The following ADAM33 variants were observed in gnomAD, a reference collection of about 807,000 sequenced individuals.
The protein encoded by ADAM33 is disintegrin and metalloproteinase domain-containing protein 33.
ADAM33 carries 103 observed loss-of-function variants against 106.2 expected under a neutral mutation model. The observed-to-expected ratio is 0.97, with a 90% confidence interval of 0.83 to 1.14. The LOEUF (loss-of-function observed/expected upper bound fraction) is 1.14. Ranked by LOEUF, ADAM33 falls within the 50% of genes most tolerant of loss-of-function variation. The probability of loss-of-function intolerance (pLI) is 0.00; values close to 1 mark genes in which losing one functional copy is unlikely to be tolerated. For missense variants in ADAM33, 1,120 were observed against 1,096.6 expected (o/e 1.02, Z -0.30); for synonymous variants, 483 against 453.0 (o/e 1.07, Z -0.84).
Position 3,672,039 on chromosome 20 carries a change from G to A in ADAM33, c.1598-54C>T, listed in dbSNP as rs557051161. On this transcript the variant is annotated intron_variant, in intron 14 of 21. Transcript: ENST00000356518. ...AGCTCGGAGAGGGGCTGCGCTCAGC[G>A]GGCCTCAGTTTCCCCTGCCCATCTT... is the stretch of plus-strand genomic sequence containing the variant. 5.4e-5 allele frequency: 84 copies of A among 1,555,486 alleles called. No homozygotes were observed. In the South Asian group the frequency reaches 6.6e-4, roughly 12 times the overall value.
intron 21 of ADAM33, 78 bp from the exon 22 acceptor site, chr20:3,669,078 C>T: frequency 1.3e-6 from 2 of 1,500,596 alleles, no homozygotes; most frequent in South Asian, 2.3e-5. Context: ...AGCCCATCCT[C>T]ACTCAGTGAG....
At chr20:3,669,523 C>T (rs1355624972) in intron 20 of ADAM33, 23 bp downstream of exon 20, 1 of 1,560,986 alleles carries the variant, frequency 6.4e-7, no homozygotes, top group Admixed American at 1.9e-5. Context: ...TCCCTCTCCA[C>T]CTCCCCCTGG....
chr20:3,680,453 G>T (rs6052012), intron 1 of ADAM33, among the ~76,000 whole-genome samples: 1 of 152,192 alleles, frequency 6.6e-6, no homozygotes, highest in Non-Finnish European at 1.5e-5. Flanking sequence ...GCTCCTGCTA[G>T]GCCACCCCAA....
rs147487185 is a variant in ADAM33 at position 3,669,597 on chromosome 20, C to A, written c.2281G>T (p.Val761Phe). 6 of 1,603,710 alleles carry A rather than the reference C, an allele frequency of 3.7e-6. No homozygotes were observed. Among genetic ancestry groups the A allele is most frequent in the East Asian group, 2.2e-5 (1 of 44,564 alleles). Residue 761 changes from valine to phenylalanine, a missense_variant, in exon 20 of 22, where the codon GTT becomes TTT. By Grantham distance (50) the Val-to-Phe change is conservative (BLOSUM62 -1). Coordinates refer to ENST00000356518, the MANE Select transcript of ADAM33 (RefSeq NM_025220.5). ...GPHRDHPLGG[V>F]HPMELGPTAT... Reference sequence around the variant, plus strand: ...GTGGGGCCCAACTCCATGGGGTGAACGCCGCCCAGGGGGTGGTCCCTGTGT... The same window carrying A: ...GTGGGGCCCAACTCCATGGGGTGAAAGCCGCCCAGGGGGTGGTCCCTGTGT...
In ADAM33 at chr20:3,669,342, G is replaced by A; in HGVS notation, c.2361C>T (p.Ser787=). 6.2e-7 allele frequency: 1 copy of A among 1,602,186 alleles called. No individual in the cohort carries two copies. Among genetic ancestry groups the A allele is most frequent in the Non-Finnish European group, 8.5e-7 (1 of 1,177,100 alleles). ...CTGCTGGCAGAGGCTTCTCAGGGTG[G>A]CTGCTGGGCTCATGAGAGTTCTCAG... is the stretch of plus-strand genomic sequence containing the variant. ...LDPENSHEPS[S]HPEKPLPAVS... The change falls in exon 21 of 22, where the codon AGC becomes AGT. Residue 787 remains serine, a synonymous_variant. Transcript: ENST00000356518.
At chr20:3,679,383 C>T (rs2088266751) in intron 2 of ADAM33, 109 bp downstream of exon 2, 11 of 1,158,766 alleles carry the variant, frequency 9.5e-6, no homozygotes. Context: ...GGAGTAGTGA[C>T]TTGGTGGTTC....
At chr20:3,670,146 C>T (rs1017151750) in intron 19 of ADAM33, 1 of 205,118 alleles carries the variant, frequency 4.9e-6, no homozygotes, top group South Asian at 8.1e-5. Flanking sequence ...CCCTCTGCAG[C>T]GCCCCCTCCG....
intron 2 of ADAM33, among the ~76,000 whole-genome samples, chr20:3,679,267 A>C (rs1019691651): frequency 6.7e-6 from 1 of 148,632 alleles, no homozygotes; most frequent in African/African-American, 2.5e-5. Flanking sequence ...GGTGGGGTGG[A>C]GAAAGCTGAA....
rs1209542938 is a variant in ADAM33 at position 3,672,184 on chromosome 20, T to C, written c.1547A>G (p.Asp516Gly). The change falls in exon 14 of 22, where the codon GAT becomes GGT. Residue 516 changes from aspartate to glycine, a missense_variant. Physicochemically the swap from Asp to Gly is moderately conservative, Grantham distance 94. Transcript: ENST00000356518. ...CTGCTCCAGCGTGGGACATGCGCCA[T>C]CCCAGCAGTAGCCACTGCCCCTGGC... ...PCARGSGYCW[D>G]GACPTLEQQC... The C allele has an allele frequency of 6.2e-7, 1 of 1,613,110 alleles. No individual in the cohort carries two copies. Among genetic ancestry groups the C allele is most frequent in the Non-Finnish European group, 8.5e-7 (1 of 1,180,018 alleles).
chr20:3,671,239 T>A lies in ADAM33; in HGVS notation c.2090A>T (p.Glu697Val). 1 of 1,613,760 alleles carries A rather than the reference T, an allele frequency of 6.2e-7. No homozygotes were observed. The highest frequency in any genetic ancestry group is 1.3e-5 in the African/African-American group (1 of 75,062). Residue 697 changes from glutamate to valine, a missense_variant and splice_region_variant, in exon 18 of 22, where the codon GAA becomes GTA. By Grantham distance (121) the Glu-to-Val change is moderately radical. Transcript: ENST00000356518. ...GSMDSGPVQA[E>V]NHDTFLLAML... ...CCACATGCCCCCCACTGGCATACTT[T>A]CAGCCTGCACAGGGCCACTGTCCAT...
chr20:3,679,217 G>A (rs1163498729), intron 2 of ADAM33, among the ~76,000 whole-genome samples: 1 of 151,354 alleles, frequency 6.6e-6, no homozygotes, highest in Non-Finnish European at 1.5e-5. Context: ...GGTGGGGGTG[G>A]GGGTGGCCCA....
chr20:3,677,563 C>G (rs2088084374), intron 2 of ADAM33, among the ~76,000 whole-genome samples: 1 of 152,194 alleles, frequency 6.6e-6, no homozygotes, highest in Admixed American at 6.5e-5. Flanking sequence ...AGAGCCTCTG[C>G]TACCTGAGGC....
rs1043089263 is a variant in ADAM33, at chr20:3,669,954, C to T, written c.2241-317G>A. 10 of 511,108 alleles carry T rather than the reference C, an allele frequency of 2.0e-5. No homozygotes were observed. In the East Asian group the frequency reaches 2.1e-4, roughly 11 times the overall value. 31.7% of individuals were successfully genotyped at this position (511,108 alleles called of 1,614,324 possible). A position where few individuals can be genotyped will look rare whatever the true frequency, so the allele number is the denominator to read the frequency against. On this transcript the variant is annotated intron_variant, in intron 19 of 21. Coordinates refer to ENST00000356518, the MANE Select transcript of ADAM33 (RefSeq NM_025220.5). ...CAGCTTCCAAAGAACCTTGGATGTC[C>T]GCCCCTTCGGCAGCTATGTCTGCTC...
intron 2 of ADAM33, among the ~76,000 whole-genome samples, chr20:3,678,241 C>T (rs1212130794): frequency 6.6e-6 from 1 of 152,252 alleles, no homozygotes; most frequent in Non-Finnish European, 1.5e-5. Flanking sequence ...TGATATATAC[C>T]CCTCATCTTG....
rs2146409662 is a variant in ADAM33, at chr20:3,674,611, C to T, written c.493G>A (p.Glu165Lys). ...AGCAGCTGCTCCATCCGAAAGATCT[C>T]GTGGGTTGAGAAGTCCTTGGAGCCC... ...PRGSKDFSTH[E>K]IFRMEQLLTW... is the part of the protein sequence containing the mutation. Residue 165 changes from glutamate (E) to lysine (K), a missense_variant, in exon 6 of 22, where the codon GAG (glutamate) becomes AAG (lysine). By Grantham distance (56) the Glu-to-Lys change is moderately conservative. Transcript: ENST00000356518. 1.2e-6 allele frequency: 2 copies of T among 1,613,004 alleles called. No homozygotes were observed. The highest frequency in any genetic ancestry group is 1.3e-5 in the African/African-American group (1 of 74,972).
chr20:3,679,154 T>TTTTTTG (rs11473462), intron 2 of ADAM33, among the ~76,000 whole-genome samples: 3 of 144,472 alleles, frequency 2.1e-5, no homozygotes, highest in Non-Finnish European at 4.5e-5. Flanking sequence ...TTTTTTTTTT[T>TTTTTTG]AGAGGCTCCT....
chr20:3,679,472 C>G lies in ADAM33; in HGVS notation c.177+20G>C. On this transcript the variant is annotated intron_variant, in intron 2 of 21. Coordinates refer to ENST00000356518, the MANE Select transcript of ADAM33 (RefSeq NM_025220.5). ...GGAGGTTCAGGGCCCCTGTGGAGGG[C>G]GGGGAGACATGGCACTGACCGGCTC... is the stretch of plus-strand genomic sequence containing the variant. The G allele has an allele frequency of 6.3e-7, 1 of 1,595,202 alleles. No individual in the cohort carries two copies. Among genetic ancestry groups the G allele is most frequent in the Non-Finnish European group, 8.5e-7 (1 of 1,170,032 alleles).
chr20:3,672,090 C>A (rs1205961199), intron 14 of ADAM33, 44 bp downstream of exon 14: 1 of 1,594,616 alleles, frequency 6.3e-7, no homozygotes, highest in Non-Finnish European at 8.5e-7. Flanking sequence ...CTGGCCCCAC[C>A]AGAGGATGGG....
chr20:3,679,563 G>A lies in ADAM33; in HGVS notation c.106C>T (p.Pro36Ser). 6.2e-7 allele frequency: 1 copy of A among 1,608,470 alleles called. No homozygotes were observed. Among genetic ancestry groups the A allele is most frequent in the South Asian group, 1.1e-5 (1 of 89,708 alleles). The change falls in exon 2 of 22, where the codon CCT becomes TCT. Residue 36 changes from proline (P) to serine (S), a missense_variant. Pro to Ser is a moderately conservative substitution (Grantham distance 74). Transcript: ENST00000356518. ...CAGTGCGGGGTGACTGGCTGCCCAG[G>A]GATATGTCCTGGAGTAAAGACAGAG... ...PGAGVLQGHI[P>S]GQPVTPHWVL...
Sources: allele counts gnomAD v4.1 joint callset (sites outside exome capture counted in the v4.1 genomes callset), GRCh38; gene constraint gnomAD v4.1.1; transcripts MANE v1.5; gene names NCBI Gene and HGNC (gene_info 2026-07-23, HGNC 2026-07-21).